AFG2A: variants seen among roughly 807,000 people sequenced by gnomAD.
AFG2A encodes the protein ATPase family gene 2 protein homolog A.
At chr4:123,119,136 T>G in the AFG2A span, among the ~76,000 whole-genome samples, 6 of 152,222 alleles carry the variant, frequency 3.9e-5, no homozygotes, top group Middle Eastern at 3.4e-3. Flanking sequence ...TTTTTTTTTC[T>G]AAAAAATAAT....
the AFG2A span, among the ~76,000 whole-genome samples, chr4:123,305,322 G>A: frequency 1.3e-5 from 2 of 152,164 alleles, no homozygotes; most frequent in South Asian, 2.1e-4. Context: ...GAAGGGAGCG[G>A]TTCTTGGTTC....
At chr4:123,153,595 G>A in the AFG2A span, among the ~76,000 whole-genome samples, 1 of 151,942 alleles carries the variant, frequency 6.6e-6, no homozygotes, top group East Asian at 1.9e-4. Flanking sequence ...TATTATTACT[G>A]TAAAATTATA....
chr4:122,962,543 A>G, the AFG2A span, among the ~76,000 whole-genome samples: 2 of 152,168 alleles, frequency 1.3e-5, no homozygotes, highest in Non-Finnish European at 2.9e-5. Flanking sequence ...GTTTCAGAAA[A>G]AGAGGTGGTA....
chr4:123,302,460 C>T, the AFG2A span, among the ~76,000 whole-genome samples: 1 of 152,128 alleles, frequency 6.6e-6, no homozygotes. Context: ...AGACAATTAT[C>T]TTGACTATAA....
At chr4:122,951,186 G>A in the AFG2A span, among the ~76,000 whole-genome samples, 1 of 152,172 alleles carries the variant, frequency 6.6e-6, no homozygotes, top group Non-Finnish European at 1.5e-5. Context: ...GAGGTGACCT[G>A]CTACTGTCTA....
At chr4:123,122,114 T>C in the AFG2A span, among the ~76,000 whole-genome samples, 1 of 152,220 alleles carries the variant, frequency 6.6e-6, no homozygotes, top group Non-Finnish European at 1.5e-5. Flanking sequence ...AGTTTCAATA[T>C]GTAAATTCAA....
the AFG2A span, among the ~76,000 whole-genome samples, chr4:123,016,417 G>C: frequency 6.6e-6 from 1 of 151,456 alleles, no homozygotes; most frequent in South Asian, 2.1e-4. Flanking sequence ...GGGCGGCTGG[G>C]CAGAGACGCT....
chr4:123,103,451 T>C, the AFG2A span, among the ~76,000 whole-genome samples: 112,081 of 151,954 alleles, frequency 0.74, 41,883 homozygotes, highest in East Asian at 0.97. Flanking sequence ...TTTTACACAA[T>C]ACTAGTGCAT....
At chr4:123,146,703 A>G in the AFG2A span, among the ~76,000 whole-genome samples, 1 of 152,212 alleles carries the variant, frequency 6.6e-6, no homozygotes, top group Non-Finnish European at 1.5e-5. Flanking sequence ...AACATGTTGC[A>G]GCACCATTGG....
the AFG2A span, among the ~76,000 whole-genome samples, chr4:122,991,651 A>G: frequency 6.6e-6 from 1 of 152,228 alleles, no homozygotes; most frequent in African/African-American, 2.4e-5. Flanking sequence ...TAGGCTGAGA[A>G]ACAGTGCTCT....
the AFG2A span, among the ~76,000 whole-genome samples, chr4:123,192,743 G>A: frequency 6.6e-6 from 1 of 152,176 alleles, no homozygotes; most frequent in Non-Finnish European, 1.5e-5. Context: ...TGAAAAGTCA[G>A]CTGCCTTCCT....
At chr4:123,235,754 A>T in the AFG2A span, among the ~76,000 whole-genome samples, 2 of 152,226 alleles carry the variant, frequency 1.3e-5, no homozygotes, top group Non-Finnish European at 2.9e-5. Flanking sequence ...ACAAAACCAC[A>T]TTCCCACAGA....
the AFG2A span, among the ~76,000 whole-genome samples, chr4:123,069,534 G>A: frequency 1.3e-5 from 2 of 152,032 alleles, no homozygotes; most frequent in African/African-American, 2.4e-5. Context: ...GAGAACTTTT[G>A]GTATAGATTC....
the AFG2A span, among the ~76,000 whole-genome samples, chr4:123,032,792 A>G: frequency 6.6e-6 from 1 of 152,236 alleles, no homozygotes; most frequent in East Asian, 1.9e-4. Flanking sequence ...AGTGAGCCAC[A>G]GCTCCCGGTC....
At chr4:122,934,654 A>C in the AFG2A span, 1 of 1,612,526 alleles carries the variant, frequency 6.2e-7, no homozygotes, top group Non-Finnish European at 8.5e-7. Context: ...TTATGACATG[A>C]TAGGAGGATT....
At chr4:123,065,295 C>T in the AFG2A span, among the ~76,000 whole-genome samples, 1 of 152,140 alleles carries the variant, frequency 6.6e-6, no homozygotes. Flanking sequence ...ATTTATTGAA[C>T]ATTCTCCAAT....
the AFG2A span, chr4:122,947,484 A>T: frequency 6.2e-7 from 1 of 1,609,436 alleles, no homozygotes; most frequent in Non-Finnish European, 8.5e-7. Context: ...TGTGTAATGA[A>T]GCAGGTGAGT....
At chr4:123,168,994 C>T in the AFG2A span, among the ~76,000 whole-genome samples, 4 of 152,168 alleles carry the variant, frequency 2.6e-5, no homozygotes, top group Non-Finnish European at 4.4e-5. Context: ...TAACTAGTGT[C>T]TGTCCTGAGT....
chr4:123,291,221 C>G, the AFG2A span, among the ~76,000 whole-genome samples: 1 of 152,164 alleles, frequency 6.6e-6, no homozygotes, highest in East Asian at 1.9e-4. Context: ...TAGGTGGGTC[C>G]CTTGAAGACA....
Sources: allele counts gnomAD v4.1 joint callset (sites outside exome capture counted in the v4.1 genomes callset), GRCh38; gene constraint gnomAD v4.1.1; transcripts MANE v1.5; gene names NCBI Gene and HGNC (gene_info 2026-07-23, HGNC 2026-07-21).